NAV2: variants seen among roughly 807,000 people sequenced by gnomAD.
NAV2 encodes the protein neuron navigator 2, also known as helicase, APC down-regulated 1.
In NAV2, 54 loss-of-function variants were observed where a neutral mutation model predicts 223.2. The ratio of observed to expected loss-of-function variants is 0.24; its 90% CI spans 0.19 to 0.30. The LOEUF (loss-of-function observed/expected upper bound fraction) is 0.30, where lower values mean the gene tolerates loss of function less well. Ranked by LOEUF, NAV2 falls within the 10% of genes least tolerant of loss-of-function variation. NAV2 has a pLI of 1.00. For synonymous variants in NAV2, 1,279 were observed against 1,239.3 expected, an observed-to-expected ratio of 1.03 and a Z score of -0.67; for missense variants, 2,806 against 3,147.5, an observed-to-expected ratio of 0.89 and a Z score of 2.60.
chr11:20,062,247 TC>T, intron 19 of NAV2, 59 bp from the exon 20 acceptor site: 1 of 1,246,104 alleles, frequency 8.0e-7, no homozygotes, highest in Non-Finnish European at 1.2e-6. Flanking sequence ...TCCTCCCCTG[TC>T]CCCTTTTTGG....
At chr11:19,749,508 C>T (rs4757842) in intron 1 of NAV2, among the ~76,000 whole-genome samples, 63,143 of 152,082 alleles carry the variant, frequency 0.42, 13,949 homozygotes, top group East Asian at 0.59. Flanking sequence ...CAGAATGAAA[C>T]ACATCCTTTA....
At chr11:19,470,246 C>T (rs992954328) in intron 1 of NAV2, among the ~76,000 whole-genome samples, 3 of 152,148 alleles carry the variant, frequency 2.0e-5, no homozygotes, top group African/African-American at 7.2e-5. Flanking sequence ...TCCTTGGAAT[C>T]TTATAAGCCT....
At position 19,827,950 on chromosome 11, in the gene NAV2, G is replaced by A. The variant is rs368603501; in HGVS notation, c.268-4534G>A. On this transcript the variant is annotated intron_variant, in intron 1 of 37. Coordinates refer to ENST00000349880, the MANE Select transcript of NAV2 (RefSeq NM_145117.5). ...AGCCTAGGTAGTAGAGCGGAATCCCGTCTCTACCAAGGGGAGGAAGGGGAG... is the reference window on the plus strand; with the variant it reads ...AGCCTAGGTAGTAGAGCGGAATCCCATCTCTACCAAGGGGAGGAAGGGGAG... 4.8e-4 allele frequency among the ~76,000 whole-genome samples: 69 copies of A among 145,244 alleles called. No homozygotes were observed. The South Asian group carries it at 6.8e-3, about 14-fold the overall frequency.
intron 1 of NAV2, among the ~76,000 whole-genome samples, chr11:19,558,464 A>G (rs373775418): frequency 2.0e-5 from 3 of 152,324 alleles, no homozygotes; most frequent in South Asian, 4.1e-4. Context: ...GGAAGTCATC[A>G]GGTTCAAGAG....
At chr11:20,026,161 G>A (rs2055048357) in intron 11 of NAV2, among the ~76,000 whole-genome samples, 1 of 152,124 alleles carries the variant, frequency 6.6e-6, no homozygotes, top group Non-Finnish European at 1.5e-5. Context: ...GACTAAATTT[G>A]CTGGGGTTAG....
chr11:20,115,341 C>T (rs2062969357), intron 37 of NAV2, among the ~76,000 whole-genome samples: 1 of 152,014 alleles, frequency 6.6e-6, no homozygotes, highest in South Asian at 2.1e-4. Context: ...AATAAAGGCC[C>T]TTTAAGAAGC....
intron 6 of NAV2, among the ~76,000 whole-genome samples, chr11:19,914,833 C>T (rs1329771868): frequency 6.6e-6 from 1 of 152,124 alleles, no homozygotes; most frequent in Non-Finnish European, 1.5e-5. Flanking sequence ...CGTGAGCCAC[C>T]GCGCCCGGCC....
chr11:19,929,499 C>T (rs1008211646), intron 6 of NAV2, among the ~76,000 whole-genome samples: 41 of 152,182 alleles, frequency 2.7e-4, no homozygotes, highest in African/African-American at 9.7e-4. Context: ...CCACTCAAGA[C>T]TCCTGCTCTA....
In NAV2 at chr11:19,982,337, G is replaced by A. The variant is rs1053789474; in HGVS notation, c.2646-1788G>A. Among the ~76,000 whole-genome samples, 18 of 151,782 alleles carry A rather than the reference G, an allele frequency of 1.2e-4. No individual in the cohort carries two copies. The East Asian group carries it at 3.1e-3, about 26-fold the overall frequency. On this transcript the variant is annotated intron_variant, in intron 10 of 37. Coordinates refer to ENST00000349880, the MANE Select transcript of NAV2 (RefSeq NM_145117.5). ...GGCTGGAGAGCAGTGGCACGATCTCGGCTCACTGCAACCTCCACCTCCCGG... is the reference window on the plus strand; with the variant it reads ...GGCTGGAGAGCAGTGGCACGATCTCAGCTCACTGCAACCTCCACCTCCCGG...
chr11:19,591,202 A>C (rs949979268), intron 1 of NAV2: 2 of 152,346 alleles, frequency 1.3e-5, no homozygotes, highest in Admixed American at 1.3e-4. Flanking sequence ...TTTGCTGTGA[A>C]TGGAAACATA....
At chr11:19,536,260 A>G (rs923776369) in intron 1 of NAV2, among the ~76,000 whole-genome samples, 9 of 152,208 alleles carry the variant, frequency 5.9e-5, no homozygotes, top group African/African-American at 1.7e-4. Flanking sequence ...AGCTAGTCAG[A>G]GGCCCAGCTG....
intron 1 of NAV2, among the ~76,000 whole-genome samples, chr11:19,599,528 C>G (rs1356867527): frequency 6.6e-6 from 1 of 152,166 alleles, no homozygotes; most frequent in Non-Finnish European, 1.5e-5. Context: ...AATAAGTAAG[C>G]AAACAAGCCT....
At chr11:19,445,836 A>G (rs923593151) in intron 1 of NAV2, among the ~76,000 whole-genome samples, 11 of 151,830 alleles carry the variant, frequency 7.2e-5, no homozygotes, top group Middle Eastern at 3.4e-3. Context: ...GGCTCTAAAC[A>G]GAGCAACCAT....
chr11:20,106,676 C>G (rs530561665), intron 35 of NAV2, among the ~76,000 whole-genome samples: 1 of 149,984 alleles, frequency 6.7e-6, no homozygotes, highest in Non-Finnish European at 1.5e-5. Context: ...GAGTTTTGCT[C>G]TTGTTGCCCA....
intron 25 of NAV2, 103 bp from the exon 26 acceptor site, chr11:20,082,904 A>T (rs1565018879): frequency 8.7e-7 from 1 of 1,148,408 alleles, no homozygotes; most frequent in Non-Finnish European, 1.2e-6. Flanking sequence ...GTGGGGGGAA[A>T]AACATGGGAG....
chr11:19,912,141 T>C (rs2043366346), intron 6 of NAV2, among the ~76,000 whole-genome samples: 1 of 152,202 alleles, frequency 6.6e-6, no homozygotes. Flanking sequence ...TCTTCAACTT[T>C]ATCTCATTAA....
intron 12 of NAV2, among the ~76,000 whole-genome samples, chr11:20,043,560 A>ACCTC (rs2057150872): frequency 6.6e-6 from 1 of 151,942 alleles, no homozygotes; most frequent in African/African-American, 2.4e-5. Context: ...TCCCACCTCA[A>ACCTC]CCACCCGAGT....
At chr11:19,785,394 T>C (rs2057031075) in intron 1 of NAV2, among the ~76,000 whole-genome samples, 2 of 152,352 alleles carry the variant, frequency 1.3e-5, no homozygotes, top group Admixed American at 1.3e-4. Flanking sequence ...AAAGCCATGT[T>C]TCTTTGGAAA....
At chr11:19,394,055 G>A (rs76876652) in intron 1 of NAV2, among the ~76,000 whole-genome samples, 1,628 of 152,152 alleles carry the variant, frequency 0.011, 19 homozygotes, top group Middle Eastern at 0.031. Flanking sequence ...CTTGGGGGAG[G>A]CAGTGAAGTG....
Sources: allele counts gnomAD v4.1 joint callset (sites outside exome capture counted in the v4.1 genomes callset), GRCh38; gene constraint gnomAD v4.1.1; transcripts MANE v1.5; gene names NCBI Gene and HGNC (gene_info 2026-07-23, HGNC 2026-07-21).